RBPMS: variants seen among roughly 807,000 people sequenced by gnomAD.
RBPMS encodes the protein RNA-binding protein with multiple splicing.
RBPMS carries 7 observed loss-of-function variants against 26.8 expected under a neutral mutation model. That is an observed-to-expected ratio of 0.26 (90% CI 0.15 to 0.49). RBPMS has a LOEUF of 0.49. Ranked by LOEUF, RBPMS falls within the 20% of genes least tolerant of loss-of-function variation. RBPMS has a pLI of 0.98. For synonymous variants in RBPMS, 96 were observed against 93.3 expected (o/e 1.03, Z -0.17); for missense variants, 186 against 250.0 (o/e 0.74, Z 1.73).
At position 30,476,719 on chromosome 8, in the gene RBPMS, G is replaced by C. The variant is rs183058909; in HGVS notation, c.145-1080G>C. ...CTGTCTCTGCGCTGATGTGTGTAGT[G>C]GTCAATCACGTCAAGTGGTGTGTTT... On this transcript the variant is annotated intron_variant, in intron 2 of 8. Coordinates refer to ENST00000397323, the MANE Select transcript of RBPMS (RefSeq NM_001008710.3). 6.6e-3 allele frequency among the ~76,000 whole-genome samples: 1,005 copies of C among 152,228 alleles called. 10 individuals are homozygous for C. The highest frequency in any genetic ancestry group is 0.023 in the African/African-American group (953 of 41,538).
In RBPMS at chr8:30,534,290, C is replaced by T. The variant is rs557078169; in HGVS notation, c.398-10204C>T. Among the ~76,000 whole-genome samples, 4 of 152,306 alleles carry T rather than the reference C, an allele frequency of 2.6e-5. No individual in the cohort carries two copies. In the South Asian group the frequency reaches 8.3e-4, roughly 32 times the overall value. ...TATGACCTTGGACAAGTCACTAAAA[C>T]TCTCCAAGCATCAATTTCTTCATCT... On this transcript the variant is annotated intron_variant, in intron 5 of 8. Coordinates refer to ENST00000397323, the MANE Select transcript of RBPMS (RefSeq NM_001008710.3).
At position 30,571,307 on chromosome 8, in the gene RBPMS, A is replaced by T. The variant is rs1355001722; in HGVS notation, c.*782A>T. ...GAAAGCCCTAGTAGCTCCAGCTGTG[A>T]CTATATCAACTGTGTGCCAAGTGTG... On this transcript the variant is annotated 3_prime_UTR_variant, in exon 9 of 9. Transcript: ENST00000397323. 1.3e-5 allele frequency: 2 copies of T among 152,206 alleles called. No individual in the cohort carries two copies. The highest frequency in any genetic ancestry group is 4.8e-5 in the African/African-American group (2 of 41,452). 9.4% of individuals were successfully genotyped at this position (152,206 alleles called of 1,614,324 possible).
intron 5 of RBPMS, among the ~76,000 whole-genome samples, chr8:30,522,491 C>A (rs1009209468): frequency 6.6e-6 from 1 of 152,086 alleles, no homozygotes; most frequent in Non-Finnish European, 1.5e-5. Context: ...CTGGGCAACG[C>A]ACCAAGACCC....
At chr8:30,471,975 C>T (rs1488282175) in intron 1 of RBPMS, among the ~76,000 whole-genome samples, 1 of 152,062 alleles carries the variant, frequency 6.6e-6, no homozygotes, top group Admixed American at 6.5e-5. Flanking sequence ...AGAACATTTA[C>T]CATGTTCTGA....
At chr8:30,457,583 C>CTTTTT (rs77253053) in intron 1 of RBPMS, among the ~76,000 whole-genome samples, 3 of 132,858 alleles carry the variant, frequency 2.3e-5, no homozygotes, top group East Asian at 2.3e-4. Context: ...GATTTACATT[C>CTTTTT]TTTTTTTTTT....
intron 5 of RBPMS, among the ~76,000 whole-genome samples, chr8:30,530,767 T>A (rs1824128600): frequency 1.3e-5 from 2 of 152,184 alleles, no homozygotes; most frequent in Non-Finnish European, 2.9e-5. Context: ...TGGCCATTCA[T>A]GGGAAGTTTT....
In RBPMS at chr8:30,525,490, A is replaced by G. The variant is rs961199196; in HGVS notation, c.398-19004A>G. Among the ~76,000 whole-genome samples the G allele has an allele frequency of 1.1e-4, 17 of 152,344 alleles. No individual in the cohort carries two copies. The South Asian group carries it at 3.5e-3, about 32-fold the overall frequency. On this transcript the variant is annotated intron_variant, in intron 5 of 8. Transcript: ENST00000397323. The stretch of plus-strand genomic sequence containing the variant: ...CTACCTGATATGGCAAACACATGTA[A>G]ATGATATCCTTTCAAAGTTCACTGG...
At chr8:30,417,098 G>A (rs1810174402) in intron 1 of RBPMS, among the ~76,000 whole-genome samples, 1 of 152,102 alleles carries the variant, frequency 6.6e-6, no homozygotes, top group African/African-American at 2.4e-5. Context: ...GGGGGAGTTT[G>A]TTCTTCTAAG....
intron 6 of RBPMS, chr8:30,547,344 A>G: frequency 6.2e-7 from 1 of 1,613,778 alleles, no homozygotes; most frequent in Non-Finnish European, 8.5e-7. Context: ...CCACTTCTCC[A>G]GCAAATTAGA....
intron 5 of RBPMS, among the ~76,000 whole-genome samples, chr8:30,536,197 G>A (rs1285701530): frequency 6.8e-6 from 1 of 147,954 alleles, no homozygotes; most frequent in East Asian, 2.0e-4. Context: ...GCACGATCTC[G>A]GCTCACCGCA....
chr8:30,415,070 C>CTGG lies in RBPMS; in HGVS notation c.66+29912_66+29913insTGG, dbSNP rs1473853297. Among the ~76,000 whole-genome samples the CTGG allele has an allele frequency of 2.6e-5, 4 of 152,276 alleles. No homozygotes were observed. The East Asian group carries it at 7.7e-4, about 29-fold the overall frequency. On this transcript the variant is annotated intron_variant, in intron 1 of 8. Coordinates refer to ENST00000397323, the MANE Select transcript of RBPMS (RefSeq NM_001008710.3). The stretch of plus-strand genomic sequence containing the variant: ...GATTCAAAGATCCAAGTGTCTACAC[C>CTGG]ACTTCTAGCTGGATGCTAATGTGTC...
intron 1 of RBPMS, among the ~76,000 whole-genome samples, chr8:30,410,648 A>G (rs1809258151): frequency 6.6e-6 from 1 of 151,698 alleles, no homozygotes; most frequent in Admixed American, 6.6e-5. Context: ...GCACCTGACC[A>G]TGAAATGTCA....
At chr8:30,473,698 T>C (rs957471257) in intron 1 of RBPMS, among the ~76,000 whole-genome samples, 1 of 152,206 alleles carries the variant, frequency 6.6e-6, no homozygotes, top group Admixed American at 6.5e-5. Context: ...TCAACCCAAA[T>C]GTCCATCAAT....
chr8:30,471,577 G>A (rs1817113081), intron 1 of RBPMS, among the ~76,000 whole-genome samples: 1 of 152,172 alleles, frequency 6.6e-6, no homozygotes. Flanking sequence ...CTGGCACAGT[G>A]TCAGAGAGAA....
chr8:30,549,705 C>T lies in RBPMS; in HGVS notation c.528+5081C>T, dbSNP rs1392470467. 12 of 669,816 alleles carry T rather than the reference C, an allele frequency of 1.8e-5. No homozygotes were observed. The East Asian group carries it at 3.3e-4, about 18-fold the overall frequency. 41.5% of individuals were successfully genotyped at this position (669,816 alleles called of 1,614,324 possible). On this transcript the variant is annotated intron_variant, in intron 6 of 8. Transcript: ENST00000397323. ...GAGTGGGCTGGGTCTCCTTTCCTTT[C>T]CCAGGCCCTTCCTGGAGGCGATTTC...
chr8:30,562,040 T>C (rs903031444), intron 7 of RBPMS: 2 of 985,134 alleles, frequency 2.0e-6, no homozygotes, highest in African/African-American at 3.5e-5. Flanking sequence ...CGAATAAGAA[T>C]ATGTAATGGA....
At chr8:30,409,003 C>T (rs1808976599) in intron 1 of RBPMS, among the ~76,000 whole-genome samples, 1 of 152,088 alleles carries the variant, frequency 6.6e-6, no homozygotes, top group Admixed American at 6.5e-5. Context: ...CAAGGCTCAT[C>T]CATCTTGTAG....
chr8:30,509,648 G>A (rs530366084), intron 5 of RBPMS, among the ~76,000 whole-genome samples: 1 of 152,312 alleles, frequency 6.6e-6, no homozygotes, highest in East Asian at 1.9e-4. Context: ...TGCATGGCAT[G>A]CACAATTAGA....
At chr8:30,568,255 T>TG (rs1292060407) in intron 8 of RBPMS, among the ~76,000 whole-genome samples, 2 of 152,144 alleles carry the variant, frequency 1.3e-5, no homozygotes, top group Non-Finnish European at 2.9e-5. Flanking sequence ...TCTGACTTGG[T>TG]AACCAGGAAG....
Sources: gnomAD v4.1 joint callset for allele counts (sites outside exome capture counted in the v4.1 genomes callset) on GRCh38, gnomAD v4.1.1 for gene constraint, MANE v1.5 for transcripts, NCBI Gene and HGNC (gene_info 2026-07-23, HGNC 2026-07-21) for gene names.